The following RCAN3 variants were observed in gnomAD, a reference collection of about 807,000 sequenced individuals.
The protein encoded by RCAN3 is regulator of calcineurin 3, also known as calcipressin-3.
RCAN3 carries 19 observed loss-of-function variants against 21.9 expected under a neutral mutation model. That is an observed-to-expected ratio of 0.87 (90% CI 0.61 to 1.27). The LOEUF (loss-of-function observed/expected upper bound fraction) is 1.27, where lower values mean the gene tolerates loss of function less well. Among genes scored for constraint, RCAN3 ranks in the 50% most tolerant of loss-of-function variants. The probability of loss-of-function intolerance (pLI) is 0.00; values close to 1 mark genes in which losing one functional copy is unlikely to be tolerated. For missense variants in RCAN3, 240 were observed against 300.1 expected, an observed-to-expected ratio of 0.80 and a Z score of 1.48; for synonymous variants, 114 against 112.3, an observed-to-expected ratio of 1.01 and a Z score of -0.09.
rs201973981 is a variant in RCAN3, at chr1:24,523,067, CT to C, written c.196-8137del. 3.7e-3 allele frequency among the ~76,000 whole-genome samples: 508 copies of C among 138,758 alleles called. 1 individual carries two copies. The highest frequency in any genetic ancestry group is 8.0e-3 in the African/African-American group (282 of 35,136). 91.0% of individuals were successfully genotyped at this position (138,758 alleles called of 152,430 possible). The stretch of plus-strand genomic sequence containing the variant: ...GATATTCTGTGTGTATGTACACACA[CT>C]TTTTTTTTTTTTTGAGACAGAGTCT... On this transcript the variant is annotated intron_variant, in intron 2 of 4. Coordinates refer to ENST00000374395, the MANE Select transcript of RCAN3 (RefSeq NM_013441.4).
intron 4 of RCAN3, among the ~76,000 whole-genome samples, chr1:24,534,880 G>A (rs973438260): frequency 6.6e-6 from 1 of 152,110 alleles, no homozygotes; most frequent in African/African-American, 2.4e-5. Flanking sequence ...TAACTCCCAA[G>A]ACTTCAGTAC....
chr1:24,536,604 C>G lies in RCAN3; in HGVS notation c.*1327C>G, dbSNP rs964764494. On this transcript the variant is annotated 3_prime_UTR_variant, in exon 5 of 5. Coordinates refer to ENST00000374395, the MANE Select transcript of RCAN3 (RefSeq NM_013441.4). ...TGGCCTCCACTCACTGTGCTGTTTC[C>G]TTTGAGTGGCACACTTGGGAAGCTC... 1.3e-5 allele frequency: 2 copies of G among 152,128 alleles called. No homozygotes were observed. Among genetic ancestry groups the G allele is most frequent in the East Asian group, 1.9e-4 (1 of 5,190 alleles). The allele number at this position is 152,128 out of a possible 1,614,324, so 9.4% of individuals were successfully genotyped here. A position where few individuals can be genotyped will look rare whatever the true frequency, so the allele number is the denominator to read the frequency against.
chr1:24,527,665 C>G (rs1428953757), intron 2 of RCAN3, among the ~76,000 whole-genome samples: 1 of 152,086 alleles, frequency 6.6e-6, no homozygotes, highest in African/African-American at 2.4e-5. Context: ...ATTGAAAGAT[C>G]TTTACATAGG....
At chr1:24,526,633 G>A (rs1649298540) in intron 2 of RCAN3, among the ~76,000 whole-genome samples, 1 of 152,092 alleles carries the variant, frequency 6.6e-6, no homozygotes, top group South Asian at 2.1e-4. Context: ...CTTTTCCCTT[G>A]GGCAAGGAAA....
At chr1:24,519,564 T>A (rs1293532886) in intron 2 of RCAN3, among the ~76,000 whole-genome samples, 1 of 152,224 alleles carries the variant, frequency 6.6e-6, no homozygotes, top group Non-Finnish European at 1.5e-5. Context: ...TGCAAAGTAC[T>A]GCCCTTTGTA....
intron 1 of RCAN3, among the ~76,000 whole-genome samples, chr1:24,506,600 A>C (rs772525230): frequency 6.6e-6 from 1 of 152,084 alleles, no homozygotes; most frequent in Non-Finnish European, 1.5e-5. Flanking sequence ...GCAGATGGTC[A>C]AAACAGAAGG....
intron 2 of RCAN3, among the ~76,000 whole-genome samples, chr1:24,520,848 A>G (rs1325846191): frequency 6.6e-6 from 1 of 150,550 alleles, no homozygotes; most frequent in African/African-American, 2.4e-5. Flanking sequence ...TAAAATAAAA[A>G]TAAAATAAAA....
intron 1 of RCAN3, 40 bp from the exon 2 acceptor site, chr1:24,514,274 C>T (rs1370276459): frequency 1.9e-6 from 2 of 1,049,280 alleles, no homozygotes; most frequent in African/African-American, 3.3e-5. Context: ...ATTATTTGGT[C>T]TTCGGAGTTT....
intron 1 of RCAN3, among the ~76,000 whole-genome samples, chr1:24,512,046 C>T (rs913905832): frequency 2.6e-5 from 4 of 152,050 alleles, no homozygotes; most frequent in African/African-American, 2.4e-5. Flanking sequence ...CGCAGGAACA[C>T]ATGTTTGCTG....
intron 2 of RCAN3, among the ~76,000 whole-genome samples, chr1:24,519,214 TG>T (rs1270845478): frequency 1.7e-3 from 196 of 116,434 alleles, no homozygotes; most frequent in African/African-American, 6.6e-3. Context: ...CCTGGCCTGA[TG>T]TTTTTTTTTT....
At position 24,538,119 on chromosome 1, in the gene RCAN3, G is replaced by A. The variant is rs1650328567; in HGVS notation, c.*2842G>A. 1 of 152,172 alleles carries A rather than the reference G, an allele frequency of 6.6e-6. No homozygotes were observed. Among genetic ancestry groups the A allele is most frequent in the Non-Finnish European group, 1.5e-5 (1 of 68,034 alleles). 9.4% of individuals were successfully genotyped at this position (152,172 alleles called of 1,614,324 possible). A position where few individuals can be genotyped will look rare whatever the true frequency, so the allele number is the denominator to read the frequency against. ...ATTGGCTCTTAGGTTCTAGATTTTT[G>A]TAGCACACTCACCTGATGAAACCAA... On this transcript the variant is annotated 3_prime_UTR_variant, in exon 5 of 5. Transcript: ENST00000374395.
intron 1 of RCAN3, among the ~76,000 whole-genome samples, 159 bp downstream of exon 1, chr1:24,503,309 T>C (rs1647223887): frequency 7.2e-6 from 1 of 139,386 alleles, no homozygotes; most frequent in Admixed American, 7.2e-5. Context: ...GCGCGCGACC[T>C]CGCCTCCCGC....
intron 1 of RCAN3, among the ~76,000 whole-genome samples, chr1:24,513,389 G>T (rs556573036): frequency 5.9e-5 from 9 of 152,144 alleles, no homozygotes; most frequent in Admixed American, 2.0e-4. Context: ...GGATTGGCCA[G>T]ATGTGGTGGC....
intron 2 of RCAN3, among the ~76,000 whole-genome samples, chr1:24,519,765 G>A (rs1648644412): frequency 1.3e-5 from 2 of 152,190 alleles, no homozygotes; most frequent in Non-Finnish European, 2.9e-5. Flanking sequence ...AATGGATTCT[G>A]TAAGATGGTT....
intron 1 of RCAN3, among the ~76,000 whole-genome samples, chr1:24,511,372 C>T (rs1647872574): frequency 6.6e-6 from 1 of 152,166 alleles, no homozygotes; most frequent in African/African-American, 2.4e-5. Flanking sequence ...TGGTTAAGGA[C>T]ACCCACAACA....
In RCAN3 at chr1:24,539,071, G is replaced by A. The variant is rs1015649226; in HGVS notation, c.*3794G>A. 1 of 152,144 alleles carries A rather than the reference G, an allele frequency of 6.6e-6. No individual in the cohort carries two copies. Among genetic ancestry groups the A allele is most frequent in the African/African-American group, 2.4e-5 (1 of 41,440 alleles). The allele number at this position is 152,144 out of a possible 1,614,324, so 9.4% of individuals were successfully genotyped here. On this transcript the variant is annotated 3_prime_UTR_variant, in exon 5 of 5. Coordinates refer to ENST00000374395, the MANE Select transcript of RCAN3 (RefSeq NM_013441.4). ...TGGAAATCATATACTCTATCCCCAT[G>A]TTACACAGATTAGAAAAACTGAGGT...
rs1570496956 is a variant in RCAN3 at position 24,538,459 on chromosome 1, C to T, written c.*3182C>T. On this transcript the variant is annotated 3_prime_UTR_variant, in exon 5 of 5. Transcript: ENST00000374395. ...TCACTCTGTCGCCCAGGCTGGAGCG[C>T]AGCCGCGTGATCTCGGCTCACTGCA... 2 of 151,888 alleles carry T rather than the reference C, an allele frequency of 1.3e-5. No individual in the cohort carries two copies. The highest frequency in any genetic ancestry group is 3.9e-4 in the East Asian group (2 of 5,190). 9.4% of individuals were successfully genotyped at this position (151,888 alleles called of 1,614,324 possible).
In RCAN3 at chr1:24,540,270, T is replaced by G. The variant is rs1237599430; in HGVS notation, c.*4993T>G. ...CCAAGGTCAAGAACTAACCTGGGGC[T>G]GAGTCAGCGTCTCTACCCACTTAAA... On this transcript the variant is annotated 3_prime_UTR_variant, in exon 5 of 5. Transcript: ENST00000374395. The G allele has an allele frequency of 6.6e-6, 1 of 152,638 alleles. No homozygotes were observed. Among genetic ancestry groups the G allele is most frequent in the Non-Finnish European group, 1.5e-5 (1 of 68,042 alleles). 9.5% of individuals were successfully genotyped at this position (152,638 alleles called of 1,614,324 possible). A position where few individuals can be genotyped will look rare whatever the true frequency, so the allele number is the denominator to read the frequency against.
chr1:24,503,724 GT>G (rs1647250235), intron 1 of RCAN3, among the ~76,000 whole-genome samples: 1 of 152,254 alleles, frequency 6.6e-6, no homozygotes, highest in Non-Finnish European at 1.5e-5. Context: ...TAGGATTCTA[GT>G]GTAGGAAGCA....
Sources: gnomAD v4.1 joint callset for allele counts (sites outside exome capture counted in the v4.1 genomes callset) on GRCh38, gnomAD v4.1.1 for gene constraint, MANE v1.5 for transcripts, NCBI Gene and HGNC (gene_info 2026-07-23, HGNC 2026-07-21) for gene names.